Variants in NRXN3 observed in about 807,000 individuals in gnomAD.
NRXN3 encodes neurexin 3.
In NRXN3, 32 loss-of-function variants were observed where a neutral mutation model predicts 137.6. The ratio of observed to expected loss-of-function variants is 0.23; its 90% confidence interval spans 0.18 to 0.31. The LOEUF is 0.31. NRXN3 is among the 10% of genes least tolerant of loss of function. NRXN3 has a pLI of 1.00. For missense variants in NRXN3, 1,574 were observed against 2,062.5 expected (o/e 0.76, Z 4.59); for synonymous variants, 798 against 784.5 (o/e 1.02, Z -0.29).
chr14:78,445,968 G>A (rs117315835), intron 4 of NRXN3, among the ~76,000 whole-genome samples: 1 of 152,202 alleles, frequency 6.6e-6, no homozygotes, highest in East Asian at 1.9e-4. Context: ...AAGCTTCCCG[G>A]CAAAGTGTGA....
rs572351732 is a variant in NRXN3, at chr14:78,719,973, A to G, written c.2044+4834A>G. 4.1e-4 allele frequency among the ~76,000 whole-genome samples: 62 copies of G among 152,324 alleles called. No individual in the cohort carries two copies. The South Asian group carries it at 5.8e-3, about 14-fold the overall frequency. Reference sequence around the variant, plus strand: ...TTAAGTCAACATCAGTTTAGCTTGGAATTGCTATAGAATGGTTAGAATTTA... The same window carrying G: ...TTAAGTCAACATCAGTTTAGCTTGGGATTGCTATAGAATGGTTAGAATTTA... On this transcript the variant is annotated intron_variant, in intron 8 of 20. Coordinates refer to ENST00000335750, the MANE Select transcript of NRXN3 (RefSeq NM_001330195.2).
chr14:79,323,420 C>T (rs2090363253), intron 15 of NRXN3, among the ~76,000 whole-genome samples: 1 of 152,072 alleles, frequency 6.6e-6, no homozygotes, highest in African/African-American at 2.4e-5. Context: ...GCTTAGAAGC[C>T]AAAAGGCCCA....
chr14:79,562,029 A>G (rs903323698), intron 16 of NRXN3, among the ~76,000 whole-genome samples: 6 of 152,008 alleles, frequency 3.9e-5, no homozygotes, highest in Non-Finnish European at 8.8e-5. Flanking sequence ...AAGTAGTCTA[A>G]GTGAGTCATT....
At chr14:79,694,723 C>A (rs1256801439) in intron 18 of NRXN3, among the ~76,000 whole-genome samples, 3 of 151,876 alleles carry the variant, frequency 2.0e-5, no homozygotes, top group Non-Finnish European at 2.9e-5. Context: ...TATTCACTAA[C>A]CCCTGTTTAT....
intron 1 of NRXN3, among the ~76,000 whole-genome samples, chr14:78,211,784 G>A (rs1410816245): frequency 6.6e-6 from 1 of 152,202 alleles, no homozygotes; most frequent in Non-Finnish European, 1.5e-5. Context: ...GACAGGGTCA[G>A]AACTGTTAGG....
At chr14:78,236,116 G>T (rs2066263315) in intron 1 of NRXN3, among the ~76,000 whole-genome samples, 1 of 152,156 alleles carries the variant, frequency 6.6e-6, no homozygotes. Flanking sequence ...GCATTAAGTT[G>T]CTTTTATTGA....
intron 4 of NRXN3, among the ~76,000 whole-genome samples, chr14:78,605,110 C>T (rs1415409641): frequency 6.6e-6 from 1 of 152,132 alleles, no homozygotes; most frequent in Non-Finnish European, 1.5e-5. Flanking sequence ...TTTTCCCCTA[C>T]TACTTCCTCA....
Position 79,234,330 on chromosome 14 carries a change from ATATATATAT to A in NRXN3, c.3263-232890_3263-232882del, listed in dbSNP as rs1568715123. On this transcript the variant is annotated intron_variant, in intron 15 of 20. Transcript: ENST00000335750. ...TATATATATATATATATATATATAT[ATATATATAT>A]AATATTTATATATATATTATATATG... Among the ~76,000 whole-genome samples the A allele has an allele frequency of 1.3e-3, 129 of 102,698 alleles. 1 individual carries two copies. The highest frequency in any genetic ancestry group is 4.4e-3 in the African/African-American group (121 of 27,670). The allele number at this position is 102,698 out of a possible 152,430, so 67.4% of individuals were successfully genotyped here. A position where few individuals can be genotyped will look rare whatever the true frequency, so the allele number is the denominator to read the frequency against.
At chr14:79,220,021 T>C (rs958834033) in intron 15 of NRXN3, among the ~76,000 whole-genome samples, 16 of 152,204 alleles carry the variant, frequency 1.1e-4, no homozygotes, top group Admixed American at 7.2e-4. Flanking sequence ...GAAGTGAGTT[T>C]ATAATTATGG....
intron 15 of NRXN3, among the ~76,000 whole-genome samples, chr14:79,054,051 A>G (rs2099648321): frequency 1.3e-5 from 2 of 150,898 alleles, no homozygotes; most frequent in Non-Finnish European, 2.9e-5. Flanking sequence ...TCAGCAAACT[A>G]TCGCAAGGAC....
At chr14:78,284,890 C>T (rs1464845224) in intron 3 of NRXN3, among the ~76,000 whole-genome samples, 1 of 152,146 alleles carries the variant, frequency 6.6e-6, no homozygotes, top group African/African-American at 2.4e-5. Context: ...CACAGTGTGC[C>T]AGGCACCTAC....
At chr14:78,367,256 C>G (rs1040085361) in intron 4 of NRXN3, among the ~76,000 whole-genome samples, 3 of 152,092 alleles carry the variant, frequency 2.0e-5, no homozygotes, top group African/African-American at 4.8e-5. Flanking sequence ...CTTTTTCTTG[C>G]TTAGTCTGTG....
chr14:78,660,598 C>G (rs1259068635), intron 6 of NRXN3, among the ~76,000 whole-genome samples: 1 of 152,142 alleles, frequency 6.6e-6, no homozygotes, highest in Non-Finnish European at 1.5e-5. Flanking sequence ...CTTCTGGCCA[C>G]TATCTTGCCA....
At chr14:78,188,160 A>T (rs770899946) in intron 1 of NRXN3, among the ~76,000 whole-genome samples, 1 of 152,138 alleles carries the variant, frequency 6.6e-6, no homozygotes, top group Non-Finnish European at 1.5e-5. Flanking sequence ...CAAAAACAGG[A>T]CTGCAGGATT....
chr14:79,300,251 T>C (rs573535446), intron 15 of NRXN3, among the ~76,000 whole-genome samples: 14 of 152,122 alleles, frequency 9.2e-5, no homozygotes, highest in Non-Finnish European at 1.9e-4. Flanking sequence ...TTTCTCTAAT[T>C]GCACAGTGTG....
In NRXN3 at chr14:79,276,724, A is replaced by AG. The variant is rs1368408588; in HGVS notation, c.3263-190497_3263-190496insG. On this transcript the variant is annotated intron_variant, in intron 15 of 20. Transcript: ENST00000335750. ...CAATGCCAATTAAAAAAAAAAAAAA[A>AG]AAAGAAAAACAGTAAGTGGGTAGGT... 6.8e-3 allele frequency among the ~76,000 whole-genome samples: 1,032 copies of AG among 151,070 alleles called. 7 individuals carry two copies. Among genetic ancestry groups the AG allele is most frequent in the South Asian group, 0.013 (60 of 4,788 alleles).
intron 6 of NRXN3, among the ~76,000 whole-genome samples, chr14:78,675,388 T>A (rs1262487977): frequency 1.3e-5 from 2 of 152,178 alleles, no homozygotes; most frequent in Non-Finnish European, 2.9e-5. Context: ...GAGAGCCCAT[T>A]ATATAGAAAG....
chr14:79,813,624 T>G (rs1176538233), intron 20 of NRXN3, among the ~76,000 whole-genome samples: 1 of 152,144 alleles, frequency 6.6e-6, no homozygotes, highest in Non-Finnish European at 1.5e-5. Context: ...ATCCCTCCAG[T>G]ATTTATCTCA....
chr14:79,554,401 C>G (rs2097407560), intron 16 of NRXN3, among the ~76,000 whole-genome samples: 1 of 152,206 alleles, frequency 6.6e-6, no homozygotes, highest in Admixed American at 6.5e-5. Context: ...TGACATACTT[C>G]AAATACTCAA....
Sources: gnomAD v4.1 joint callset for allele counts (sites outside exome capture counted in the v4.1 genomes callset) on GRCh38, gnomAD v4.1.1 for gene constraint, MANE v1.5 for transcripts, NCBI Gene and HGNC (gene_info 2026-07-23, HGNC 2026-07-21) for gene names.